The following SLC4A1AP variants were observed in gnomAD, a reference collection of about 807,000 sequenced individuals.
SLC4A1AP encodes the protein kanadaptin.
Under a neutral mutation model 89.7 loss-of-function variants are expected in SLC4A1AP, and 64 were observed. The observed-to-expected ratio is 0.71, with a 90% CI of 0.58 to 0.88. The LOEUF (loss-of-function observed/expected upper bound fraction) is 0.88, where lower values mean the gene tolerates loss of function less well. SLC4A1AP is among the 40% of genes least tolerant of loss of function. The pLI is 0.00. For missense variants in SLC4A1AP, 931 were observed against 965.0 expected (o/e 0.96, Z 0.47); for synonymous variants, 366 against 353.3 (o/e 1.04, Z -0.40).
chr2:27,670,054 G>A (rs1675397091), intron 5 of SLC4A1AP, among the ~76,000 whole-genome samples: 1 of 152,038 alleles, frequency 6.6e-6, no homozygotes, highest in South Asian at 2.1e-4. Context: ...GTAGAGACGG[G>A]GTTTCTCCAT....
exon 8 of SLC4A1AP, chr2:27,677,817 G>T (rs895443069): frequency 3.1e-6 from 5 of 1,613,770 alleles, no homozygotes; most frequent in Non-Finnish European, 4.2e-6. Flanking sequence ...TAGATGGTGT[G>T]TCCCGGAAGA....
At chr2:27,688,996 T>A (rs1336191669) in intron 12 of SLC4A1AP, among the ~76,000 whole-genome samples, 1 of 151,822 alleles carries the variant, frequency 6.6e-6, no homozygotes, top group Non-Finnish European at 1.5e-5. Flanking sequence ...TTATGAATCT[T>A]TCTTTATATC....
intron 2 of SLC4A1AP, among the ~76,000 whole-genome samples, chr2:27,666,581 A>T (rs1001322559): frequency 1.4e-4 from 22 of 152,144 alleles, no homozygotes; most frequent in African/African-American, 5.1e-4. Flanking sequence ...AGATATAAGA[A>T]GTATTAGGAA....
intron 12 of SLC4A1AP, chr2:27,692,046 C>G (rs1373600898): frequency 6.6e-6 from 1 of 152,126 alleles, no homozygotes; most frequent in African/African-American, 2.4e-5. Flanking sequence ...CTCCTGAGCT[C>G]AAGCAATCCT....
exon 1 of SLC4A1AP, chr2:27,664,129 G>T (rs1447656719): frequency 6.2e-7 from 1 of 1,614,084 alleles, no homozygotes; most frequent in African/African-American, 1.3e-5. Flanking sequence ...CCGGACTGCG[G>T]TGATTTTAGG....
exon 1 of SLC4A1AP, chr2:27,663,950 G>A (rs1271637328): frequency 3.1e-6 from 5 of 1,614,194 alleles, no homozygotes; most frequent in Admixed American, 1.7e-5. Flanking sequence ...AGACCCTGGC[G>A]TCGCAAGACC....
At chr2:27,667,192 G>C in intron 2 of SLC4A1AP, 76 bp from the exon 3 acceptor site, 2 of 1,470,872 alleles carry the variant, frequency 1.4e-6, no homozygotes, top group Non-Finnish European at 9.2e-7. Context: ...TATGCAGCCT[G>C]AGAGAATAGT....
At chr2:27,668,610 C>T (rs759810175) in intron 3 of SLC4A1AP, 12 of 665,220 alleles carry the variant, frequency 1.8e-5, no homozygotes, top group Middle Eastern at 3.6e-4. Flanking sequence ...CCATCATGCC[C>T]GGCTAATTTC....
intron 11 of SLC4A1AP, 71 bp downstream of exon 11, chr2:27,688,091 G>GCCTTCA: frequency 7.8e-7 from 1 of 1,282,060 alleles, no homozygotes; most frequent in Non-Finnish European, 1.1e-6. Context: ...GGGAGGGGCT[G>GCCTTCA]GCAGCTGACC....
chr2:27,690,215 T>C (rs928686323), intron 12 of SLC4A1AP, among the ~76,000 whole-genome samples: 2 of 152,160 alleles, frequency 1.3e-5, no homozygotes, highest in Non-Finnish European at 1.5e-5. Context: ...AGATGAATCA[T>C]ATAGTGATGA....
intron 12 of SLC4A1AP, chr2:27,691,599 T>TC (rs1407687635): frequency 6.6e-6 from 1 of 150,762 alleles, no homozygotes; most frequent in Non-Finnish European, 1.5e-5. Flanking sequence ...GTTCTTTTTT[T>TC]TTTTTTTTTT....
intron 4 of SLC4A1AP, 137 bp from the exon 5 acceptor site, chr2:27,669,111 T>C (rs1675380202): frequency 1.8e-6 from 2 of 1,094,008 alleles, no homozygotes; most frequent in East Asian, 2.4e-5. Context: ...AAATCCAACA[T>C]TGGAAAGATA....
chr2:27,669,659 C>CT (rs111654016), intron 5 of SLC4A1AP, among the ~76,000 whole-genome samples: 8,608 of 152,056 alleles, frequency 0.057, 668 homozygotes, highest in African/African-American at 0.18. Flanking sequence ...TTGTGACTTA[C>CT]TTTTTTAACA....
intron 8 of SLC4A1AP, among the ~76,000 whole-genome samples, chr2:27,678,223 G>A (rs1675555908): frequency 6.6e-6 from 1 of 152,034 alleles, no homozygotes; most frequent in Non-Finnish European, 1.5e-5. Context: ...AAAGCATCAT[G>A]CACAAAAAGC....
chr2:27,667,518 A>C (rs988812036), intron 3 of SLC4A1AP, 128 bp downstream of exon 3: 98 of 905,164 alleles, frequency 1.1e-4, no homozygotes, highest in Non-Finnish European at 1.4e-4. Context: ...TTCACTTTTT[A>C]CTCTTGTGGT....
At chr2:27,667,056 A>T (rs1675341329) in intron 2 of SLC4A1AP, among the ~76,000 whole-genome samples, 1 of 151,920 alleles carries the variant, frequency 6.6e-6, no homozygotes. Context: ...TTTTTAGTAG[A>T]GATGGGGTTT....
intron 11 of SLC4A1AP, among the ~76,000 whole-genome samples, chr2:27,688,353 A>G (rs1227734129): frequency 6.6e-6 from 1 of 152,218 alleles, no homozygotes; most frequent in African/African-American, 2.4e-5. Flanking sequence ...GAGTAATTCC[A>G]AAACTATCTT....
At chr2:27,665,129 C>T (rs779719870) in exon 2 of SLC4A1AP, 2 of 1,611,286 alleles carry the variant, frequency 1.2e-6, no homozygotes, top group Non-Finnish European at 1.7e-6. Context: ...AGGCAGAATC[C>T]GAGTTAACAG....
chr2:27,665,159 G>A, exon 2 of SLC4A1AP: 1 of 1,613,964 alleles, frequency 6.2e-7, no homozygotes, highest in Non-Finnish European at 8.5e-7. Context: ...TGAAGGAATT[G>A]CGCAAGCAGC....
Sources: allele counts gnomAD v4.1 joint callset (sites outside exome capture counted in the v4.1 genomes callset), GRCh38; gene constraint gnomAD v4.1.1; transcripts MANE v1.5; gene names NCBI Gene and HGNC (gene_info 2026-07-23, HGNC 2026-07-21).